Variants in KDM1B observed in about 807,000 individuals in gnomAD.
The protein encoded by KDM1B is lysine-specific histone demethylase 2.
KDM1B carries 63 observed loss-of-function variants against 107.4 expected under a neutral mutation model. The ratio of observed to expected loss-of-function variants is 0.59; its 90% CI spans 0.48 to 0.72. KDM1B has a LOEUF of 0.72. Ranked by LOEUF, KDM1B falls within the 30% of genes least tolerant of loss-of-function variation. KDM1B has a pLI of 0.00. For synonymous variants in KDM1B, 363 were observed against 363.9 expected (o/e 1.00, Z 0.03); for missense variants, 749 against 1,020.8 (o/e 0.73, Z 3.63).
intron 10 of KDM1B, among the ~76,000 whole-genome samples, chr6:18,196,004 G>A (rs1261964716): frequency 6.6e-6 from 1 of 151,796 alleles, no homozygotes; most frequent in East Asian, 1.9e-4. Context: ...CCTCCCCTCA[G>A]CCCCGGTAAT....
intron 15 of KDM1B, among the ~76,000 whole-genome samples, chr6:18,206,845 C>T (rs1252445634): frequency 6.6e-6 from 1 of 152,150 alleles, no homozygotes; most frequent in East Asian, 1.9e-4. Flanking sequence ...CAAGTCTGGT[C>T]TGTTTACCTT....
intron 14 of KDM1B, among the ~76,000 whole-genome samples, chr6:18,202,989 C>T (rs987361334): frequency 2.0e-4 from 31 of 152,282 alleles, no homozygotes; most frequent in African/African-American, 7.2e-4. Context: ...ATTAGGCTGA[C>T]GTGCAGGATA....
At position 18,223,551 on chromosome 6, in the gene KDM1B, G is replaced by A. The variant is rs1789956063; in HGVS notation, c.*1559G>A. 2 of 152,202 alleles carry A rather than the reference G, an allele frequency of 1.3e-5. No individual in the cohort carries two copies. The highest frequency in any genetic ancestry group is 3.9e-4 in the East Asian group (2 of 5,184). 9.4% of individuals were successfully genotyped at this position (152,202 alleles called of 1,614,324 possible). A position where few individuals can be genotyped will look rare whatever the true frequency, so the allele number is the denominator to read the frequency against. On this transcript the variant is annotated 3_prime_UTR_variant, in exon 22 of 22. Coordinates refer to ENST00000650836, the MANE Select transcript of KDM1B (RefSeq NM_001364614.2). Reference sequence around the variant, plus strand: ...AAATGCAAAATGTTAAGTTTGAAATGGTTAACAGTAAATTATTATGTTAGT... The same window carrying A: ...AAATGCAAAATGTTAAGTTTGAAATAGTTAACAGTAAATTATTATGTTAGT...
At chr6:18,210,907 AGAGGATCACTT>A (rs1299839850) in intron 17 of KDM1B, among the ~76,000 whole-genome samples, 2 of 152,122 alleles carry the variant, frequency 1.3e-5, no homozygotes, top group African/African-American at 4.8e-5. Flanking sequence ...AGCTGAGGCA[AGAGGATCACTT>A]GAGCACAGGA....
chr6:18,188,205 C>T (rs749495101), intron 9 of KDM1B, among the ~76,000 whole-genome samples: 2 of 152,050 alleles, frequency 1.3e-5, no homozygotes, highest in Non-Finnish European at 1.5e-5. Flanking sequence ...GGCAACATAG[C>T]GAGATCTCGT....
intron 7 of KDM1B, among the ~76,000 whole-genome samples, chr6:18,182,519 C>T (rs998599106): frequency 1.3e-5 from 2 of 151,826 alleles, no homozygotes; most frequent in East Asian, 3.9e-4. Context: ...ATAAAGAGCT[C>T]TTCTTTCTCT....
intron 6 of KDM1B, among the ~76,000 whole-genome samples, chr6:18,169,756 G>C (rs1348330194): frequency 6.6e-6 from 1 of 151,856 alleles, no homozygotes; most frequent in African/African-American, 2.4e-5. Context: ...GAGTTCTGTT[G>C]TTTGAGTGCT....
intron 2 of KDM1B, among the ~76,000 whole-genome samples, chr6:18,156,690 G>A (rs1323548209): frequency 6.6e-6 from 1 of 151,990 alleles, no homozygotes; most frequent in Admixed American, 6.6e-5. Flanking sequence ...CGAGGTGGGC[G>A]ATCACTTGAG....
chr6:18,197,235 T>TAGGTG lies in KDM1B; in HGVS notation c.1146+4_1146+8dup, dbSNP rs776023497. On this transcript the variant is annotated splice_region_variant and intron_variant, in intron 11 of 21. Transcript: ENST00000650836. This position sits in a 1 kb window ranked among gnomAD's most constrained non-coding sequence, Gnocchi z 4.5. ...CTTCTCCCTAAGGACTACCACAATG[T>TAGGTG]AGGTGATTATAGCTTTAGCGATAGC... 1 of 1,611,798 alleles carries TAGGTG rather than the reference T, an allele frequency of 6.2e-7. No individual in the cohort carries two copies. The highest frequency in any genetic ancestry group is 1.1e-5 in the South Asian group (1 of 90,968).
At chr6:18,188,718 A>G (rs776594148) in intron 9 of KDM1B, among the ~76,000 whole-genome samples, 5 of 151,824 alleles carry the variant, frequency 3.3e-5, no homozygotes, top group Non-Finnish European at 5.9e-5. Flanking sequence ...GGTTCAAGCA[A>G]TTCTCCTGCC....
At chr6:18,217,628 T>A (rs6911396) in intron 20 of KDM1B, 105 bp from the exon 21 acceptor site, 1 of 859,344 alleles carries the variant, frequency 1.2e-6, no homozygotes, top group Non-Finnish European at 1.8e-6. Context: ...CCACCCGCCT[T>A]AGCCTCCCAA....
At chr6:18,184,273 CT>C (rs1163110910) in intron 7 of KDM1B, among the ~76,000 whole-genome samples, 1,920 of 116,622 alleles carry the variant, frequency 0.016, 20 homozygotes, top group African/African-American at 0.056. Context: ...GTTCTAGCTT[CT>C]TTTTTTTTTT....
Position 18,162,975 on chromosome 6 carries a change from G to C in KDM1B, c.305+51G>C, listed in dbSNP as rs1473719061. On this transcript the variant is annotated intron_variant, in intron 5 of 21. Transcript: ENST00000650836. This position sits in a 1 kb window ranked among gnomAD's most constrained non-coding sequence, Gnocchi z 4.1. ...TCCCTGGAGAAGGGGACCGTGGCAG[G>C]GGCAGTGCGTGTGGTCAGCTGATTA... 1 of 1,107,196 alleles carries C rather than the reference G, an allele frequency of 9.0e-7. No individual in the cohort carries two copies. The highest frequency in any genetic ancestry group is 2.3e-5 in the East Asian group (1 of 42,584). The allele number at this position is 1,107,196 out of a possible 1,614,324, so 68.6% of individuals were successfully genotyped here. A position where few individuals can be genotyped will look rare whatever the true frequency, so the allele number is the denominator to read the frequency against.
Position 18,221,966 on chromosome 6 carries a change from GAAGC to G in KDM1B, c.2451_2454del (p.Ser817ArgfsTer22). 6.2e-7 allele frequency: 1 copy of G among 1,613,966 alleles called. No homozygotes were observed. The highest frequency in any genetic ancestry group is 1.1e-5 in the South Asian group (1 of 91,056). ...AGGGGCATATTTGAGTGGCGTTCGA[GAAGC>G]AAGCAAGATTGCAGCATTTTAAGAA... On this transcript the variant is annotated frameshift_variant, in exon 22 of 22. Transcript: ENST00000650836. LOFTEE classifies it high-confidence loss of function.
In KDM1B at chr6:18,211,078, T is replaced by G. The variant is rs967686071; in HGVS notation, c.1867-1410T>G. Among the ~76,000 whole-genome samples the G allele has an allele frequency of 6.6e-6, 1 of 152,218 alleles. No homozygotes were observed. Among genetic ancestry groups the G allele is most frequent in the Non-Finnish European group, 1.5e-5 (1 of 68,032 alleles). On this transcript the variant is annotated intron_variant, in intron 17 of 21. Transcript: ENST00000650836. This position sits in a 1 kb window ranked among gnomAD's most constrained non-coding sequence, Gnocchi z 5.2. ...TAGTAATTGGTTTTTTGTTGTGGTT[T>G]GCCTCATTTTTTTTGGTTGCATGGT...
chr6:18,190,564 T>C (rs964002597), intron 9 of KDM1B, among the ~76,000 whole-genome samples: 1 of 150,820 alleles, frequency 6.6e-6, no homozygotes, highest in Admixed American at 6.6e-5. Context: ...ATCGCGCCAC[T>C]GAACTCCAGC....
At chr6:18,193,111 C>T (rs1336707568) in intron 10 of KDM1B, among the ~76,000 whole-genome samples, 1 of 148,046 alleles carries the variant, frequency 6.8e-6, no homozygotes, top group Non-Finnish European at 1.5e-5. Flanking sequence ...AGGAGAATCG[C>T]TTGAACCCAG....
Position 18,162,977 on chromosome 6 carries a change from G to A in KDM1B, c.305+53G>A. The A allele has an allele frequency of 3.7e-6, 4 of 1,073,424 alleles. No individual in the cohort carries two copies. Among genetic ancestry groups the A allele is most frequent in the Non-Finnish European group, 5.8e-6 (4 of 686,784 alleles). 66.5% of individuals were successfully genotyped at this position (1,073,424 alleles called of 1,614,324 possible). ...CCTGGAGAAGGGGACCGTGGCAGGG[G>A]CAGTGCGTGTGGTCAGCTGATTAAA... is the stretch of plus-strand genomic sequence containing the variant. On this transcript the variant is annotated intron_variant, in intron 5 of 21. Transcript: ENST00000650836. The surrounding 1 kb of genome is among the most constrained non-coding windows in gnomAD (Gnocchi z 4.1).
At position 18,203,410 on chromosome 6, in the gene KDM1B, A is replaced by G. The variant is rs1316016209; in HGVS notation, c.1531+1753A>G. Reference sequence around the variant, plus strand: ...AGTGCACACATCTCTGTGTAAGGCTATAGTTATATCCTGCCTGTTGGTATC... The same window carrying G: ...AGTGCACACATCTCTGTGTAAGGCTGTAGTTATATCCTGCCTGTTGGTATC... On this transcript the variant is annotated intron_variant, in intron 14 of 21. Coordinates refer to ENST00000650836, the MANE Select transcript of KDM1B (RefSeq NM_001364614.2). This position sits in a 1 kb window ranked among gnomAD's most constrained non-coding sequence, Gnocchi z 5.5. Among the ~76,000 whole-genome samples, 1 of 152,196 alleles carries G rather than the reference A, an allele frequency of 6.6e-6. No homozygotes were observed. The highest frequency in any genetic ancestry group is 1.5e-5 in the Non-Finnish European group (1 of 68,042).
Sources: gnomAD v4.1 joint callset for allele counts (sites outside exome capture counted in the v4.1 genomes callset) on GRCh38, gnomAD v4.1.1 for gene constraint, Gnocchi (gnomAD v3.1) non-coding constraint, MANE v1.5 for transcripts, NCBI Gene and HGNC (gene_info 2026-07-23, HGNC 2026-07-21) for gene names.